BACH1: variants seen among roughly 807,000 people sequenced by gnomAD.
The protein encoded by BACH1 is transcription regulator protein BACH1.
BACH1 carries 35 observed loss-of-function variants against 52.9 expected under a neutral mutation model. The observed-to-expected ratio is 0.66, with a 90% CI of 0.51 to 0.88. The LOEUF (loss-of-function observed/expected upper bound fraction) is 0.88. BACH1 is among the 40% of genes least tolerant of loss of function. The probability of loss-of-function intolerance (pLI) is 0.00; values close to 1 mark genes in which losing one functional copy is unlikely to be tolerated. For synonymous variants in BACH1, 321 were observed against 319.6 expected (o/e 1.00, Z -0.05); for missense variants, 808 against 872.6 (o/e 0.93, Z 0.93).
At chr21:29,357,015 A>G (rs1940335940) in intron 2 of BACH1, among the ~76,000 whole-genome samples, 1 of 152,182 alleles carries the variant, frequency 6.6e-6, no homozygotes, top group South Asian at 2.1e-4. Context: ...CACTGCATGC[A>G]ATAACTCCAT....
intron 4 of BACH1, among the ~76,000 whole-genome samples, chr21:29,339,704 C>T (rs1467858437): frequency 6.9e-6 from 1 of 145,564 alleles, no homozygotes; most frequent in Admixed American, 7.1e-5. Flanking sequence ...ACAATCTCGG[C>T]TCACCGCAAC....
chr21:29,334,349 C>T (rs753660447), intron 4 of BACH1, among the ~76,000 whole-genome samples: 6 of 152,266 alleles, frequency 3.9e-5, no homozygotes, highest in South Asian at 4.1e-4. Flanking sequence ...CCGCCCGCCT[C>T]GGCCTCCCAA....
At chr21:29,355,308 C>CGCTGATTGGTGCGTTTTTACAGAGT (rs1418123495) in intron 2 of BACH1, among the ~76,000 whole-genome samples, 1 of 146,074 alleles carries the variant, frequency 6.8e-6, no homozygotes, top group African/African-American at 2.5e-5. Flanking sequence ...AGACACAGAG[C>CGCTGATTGGTGCGTTTTTACAGAGT]GCTGATTGGT....
At chr21:29,318,237 G>A (rs2832283) in intron 1 of BACH1, among the ~76,000 whole-genome samples, 24,436 of 152,222 alleles carry the variant, frequency 0.16, 2,573 homozygotes, top group South Asian at 0.26. Flanking sequence ...TTTCCAGGCA[G>A]GAGCTGATGA....
At chr21:29,337,756 G>A (rs1292811769) in intron 4 of BACH1, among the ~76,000 whole-genome samples, 3 of 151,982 alleles carry the variant, frequency 2.0e-5, no homozygotes, top group Admixed American at 6.6e-5. Flanking sequence ...TGCCGGGTGC[G>A]GTGGCTCAGG....
At chr21:29,322,667 A>G (rs576956022) in intron 2 of BACH1, among the ~76,000 whole-genome samples, 26 of 152,340 alleles carry the variant, frequency 1.7e-4, no homozygotes, top group African/African-American at 6.3e-4. Context: ...TATGTGGGAT[A>G]TTCCCAGTTG....
chr21:29,319,269 C>A (rs1027308029), intron 1 of BACH1, among the ~76,000 whole-genome samples: 3 of 152,230 alleles, frequency 2.0e-5, no homozygotes, highest in South Asian at 2.1e-4. Flanking sequence ...AAGGAGCCAG[C>A]ATAGAGGGAG....
At chr21:29,355,147 C>A (rs1340609837) in intron 2 of BACH1, among the ~76,000 whole-genome samples, 1 of 152,162 alleles carries the variant, frequency 6.6e-6, no homozygotes, top group Non-Finnish European at 1.5e-5. Context: ...GTCCATTTTA[C>A]AGAGCACTGA....
intron 2 of BACH1, among the ~76,000 whole-genome samples, chr21:29,352,006 A>G (rs943022872): frequency 6.6e-6 from 1 of 152,060 alleles, no homozygotes; most frequent in East Asian, 1.9e-4. Flanking sequence ...TACAGGAACT[A>G]TGGGGAGGAA....
At chr21:29,304,266 T>C (rs2088631671) in intron 1 of BACH1, among the ~76,000 whole-genome samples, 1 of 151,856 alleles carries the variant, frequency 6.6e-6, no homozygotes, top group Admixed American at 6.6e-5. Flanking sequence ...GCTGGAATTA[T>C]GGGGCACCCC....
chr21:29,315,276 A>G lies in BACH1; in HGVS notation c.-60-5945A>G, dbSNP rs114465945. Reference sequence around the variant, plus strand: ...GTATCTTAGGTGTATTGTAACAGGAACTGACTGGCTTAGGGGAGTTTGAAG... The same window carrying G: ...GTATCTTAGGTGTATTGTAACAGGAGCTGACTGGCTTAGGGGAGTTTGAAG... On this transcript the variant is annotated intron_variant, in intron 1 of 4. Coordinates refer to ENST00000286800, the MANE Select transcript of BACH1 (RefSeq NM_001186.4). 3.5e-3 allele frequency among the ~76,000 whole-genome samples: 539 copies of G among 152,246 alleles called. 3 individuals carry two copies. The highest frequency in any genetic ancestry group is 0.012 in the African/African-American group (513 of 41,542).
chr21:29,351,569 C>T (rs1258268069), intron 2 of BACH1: 1 of 531,230 alleles, frequency 1.9e-6, no homozygotes, highest in Non-Finnish European at 3.9e-6. Flanking sequence ...TGAGCGTTTA[C>T]TCTGGGCTTT....
At chr21:29,350,055 C>T (rs1314024049), downstream of BACH1, among the ~76,000 whole-genome samples, 1 of 152,140 alleles carries the variant, frequency 6.6e-6, no homozygotes, top group Non-Finnish European at 1.5e-5. Context: ...AGGAAAAACA[C>T]CACAAGCCAC....
intron 2 of BACH1, among the ~76,000 whole-genome samples, chr21:29,360,045 A>G (rs2089261760): frequency 6.6e-6 from 1 of 152,168 alleles, no homozygotes; most frequent in Non-Finnish European, 1.5e-5. Flanking sequence ...GACCCCAAAG[A>G]ATGAAACCTT....
chr21:29,325,260 A>G (rs1440380574), intron 2 of BACH1, among the ~76,000 whole-genome samples: 1 of 152,160 alleles, frequency 6.6e-6, no homozygotes, highest in African/African-American at 2.4e-5. Flanking sequence ...TATTAATATT[A>G]TCTTGACCAC....
intron 1 of BACH1, among the ~76,000 whole-genome samples, chr21:29,310,550 G>A (rs764760280): frequency 4.6e-5 from 7 of 152,218 alleles, no homozygotes; most frequent in Non-Finnish European, 8.8e-5. Context: ...GACCAAATAC[G>A]AATATGAGAG....
At position 29,326,574 on chromosome 21, in the gene BACH1, T is replaced by C. The variant is rs545357951; in HGVS notation, c.750T>C (p.His250=). The C allele has an allele frequency of 1.7e-5, 28 of 1,614,244 alleles. No homozygotes were observed. In the South Asian group the frequency reaches 2.2e-4, roughly 13 times the overall value. The part of the protein sequence containing the change: ...RTGESSVKDI[H]ASVQPNERSE... ...GGGAATCTAGTGTCAAAGACATTCA[T>C]GCTTCTGTTCAGCCAAATGAAAGGT... The change falls in exon 3 of 5, where the codon CAT becomes CAC. Residue 250 remains histidine, a synonymous_variant. Transcript: ENST00000286800.
intron 2 of BACH1, chr21:29,361,506 G>A (rs779031237): frequency 6.6e-6 from 1 of 151,932 alleles, no homozygotes; most frequent in Non-Finnish European, 1.5e-5. Context: ...TTTAGTAGTT[G>A]TGGCTTTGCA....
At chr21:29,312,675 A>G (rs1004602827) in intron 1 of BACH1, among the ~76,000 whole-genome samples, 1 of 152,242 alleles carries the variant, frequency 6.6e-6, no homozygotes, top group African/African-American at 2.4e-5. Context: ...TGTATGCAGT[A>G]ACTATAAACA....
Sources: allele counts gnomAD v4.1 joint callset (sites outside exome capture counted in the v4.1 genomes callset), GRCh38; gene constraint gnomAD v4.1.1; transcripts MANE v1.5; gene names NCBI Gene and HGNC (gene_info 2026-07-23, HGNC 2026-07-21).